The following MFSD1 variants were observed in gnomAD, a reference collection of about 807,000 sequenced individuals.
The protein encoded by MFSD1 is lysosomal dipeptide transporter MFSD1.
A neutral mutation model predicts 67.1 loss-of-function variants in MFSD1; 59 were observed. The observed-to-expected ratio is 0.88, with a 90% CI of 0.71 to 1.09. MFSD1 has a LOEUF of 1.09. Among genes scored for constraint, MFSD1 ranks in the 50% least tolerant of loss-of-function variants. MFSD1 has a pLI of 0.00. For synonymous variants in MFSD1, 213 were observed against 200.3 expected, an observed-to-expected ratio of 1.06 and a Z score of -0.54; for missense variants, 552 against 566.1, an observed-to-expected ratio of 0.97 and a Z score of 0.25.
chr3:158,823,659 G>C, intron 12 of MFSD1, 134 bp downstream of exon 12: 1 of 732,646 alleles, frequency 1.4e-6, no homozygotes, highest in East Asian at 2.6e-5. Flanking sequence ...AACTGGAAAA[G>C]TCAGTAAATC....
intron 5 of MFSD1, 138 bp from the exon 6 acceptor site, chr3:158,809,041 A>C: frequency 1.8e-6 from 1 of 562,168 alleles, no homozygotes; most frequent in East Asian, 2.9e-5. Context: ...TCACAAGCCC[A>C]CCTGGATTCA....
Position 158,827,282 on chromosome 3 carries a change from G to A in MFSD1, c.1339G>A (p.Gly447Arg). 1 of 1,548,196 alleles carries A rather than the reference G, an allele frequency of 6.5e-7. No homozygotes were observed. The highest frequency in any genetic ancestry group is 8.7e-7 in the Non-Finnish European group (1 of 1,147,290). ...LLYLVNRAQGGNLNYSARQRE... is the reference protein window; with the variant it reads ...LLYLVNRAQGRNLNYSARQRE... ...ATCTATGTTTATTTGTGTTTTAGGT[G>A]GGAACCTAAATTATTCTGCAAGACA... is the stretch of plus-strand genomic sequence containing the variant. Residue 447 changes from glycine to arginine, a missense_variant and splice_region_variant, in exon 15 of 16, where the codon GGG (glycine) becomes AGG (arginine). Coordinates refer to ENST00000415822, the MANE Select transcript of MFSD1 (RefSeq NM_022736.4).
At position 158,825,989 on chromosome 3, in the gene MFSD1, A is replaced by AG. The variant is rs756076989; in HGVS notation, c.1289-23dup. Reference sequence around the variant, plus strand: ...TCATTGAGAAGAAATACATATTTTAAGGGCCCTATGTTTTTTCACTCCTAG... The same window carrying AG: ...TCATTGAGAAGAAATACATATTTTAAGGGGCCCTATGTTTTTTCACTCCTAG... On this transcript the variant is annotated intron_variant, in intron 13 of 15. Coordinates refer to ENST00000415822, the MANE Select transcript of MFSD1 (RefSeq NM_022736.4). The AG allele has an allele frequency of 3.3e-5, 52 of 1,591,602 alleles. No homozygotes were observed. In the Admixed American group the frequency reaches 8.3e-4, roughly 26 times the overall value.
chr3:158,828,229 A>G (rs1458696174), intron 15 of MFSD1, among the ~76,000 whole-genome samples: 1 of 152,166 alleles, frequency 6.6e-6, no homozygotes, highest in East Asian at 1.9e-4. Context: ...CATAATAGTG[A>G]TTCTGTTTCC....
chr3:158,804,057 G>A (rs1729589044), intron 1 of MFSD1, among the ~76,000 whole-genome samples: 1 of 152,174 alleles, frequency 6.6e-6, no homozygotes, highest in African/African-American at 2.4e-5. Context: ...CATGATGAAA[G>A]TAAAATAGAA....
chr3:158,820,068 A>T (rs529939393), intron 8 of MFSD1, 147 bp from the exon 9 acceptor site: 2 of 567,406 alleles, frequency 3.5e-6, no homozygotes, highest in African/African-American at 3.7e-5. Context: ...CCCAGAAATG[A>T]TGTTTGTGTA....
intron 1 of MFSD1, among the ~76,000 whole-genome samples, chr3:158,803,709 C>G (rs939640286): frequency 3.9e-5 from 6 of 152,088 alleles, no homozygotes; most frequent in Non-Finnish European, 8.8e-5. Context: ...AAAATAAATC[C>G]GAGTGCATGG....
chr3:158,821,148 T>C (rs958284781), intron 9 of MFSD1, among the ~76,000 whole-genome samples: 1 of 152,184 alleles, frequency 6.6e-6, no homozygotes, highest in Admixed American at 6.5e-5. Flanking sequence ...TCTCTCTCCT[T>C]TTTCATTGGC....
rs1051714369 is a variant in MFSD1 at position 158,829,296 on chromosome 3, G to A, written c.*314G>A. On this transcript the variant is annotated 3_prime_UTR_variant, in exon 16 of 16. Transcript: ENST00000415822. Reference sequence around the variant, plus strand: ...TGGAAAACGTTGGAGCTTCTGTTGAGATAATCTTCATTAGGTATATATCTT... The same window carrying A: ...TGGAAAACGTTGGAGCTTCTGTTGAAATAATCTTCATTAGGTATATATCTT... 2 of 216,752 alleles carry A rather than the reference G, an allele frequency of 9.2e-6. No homozygotes were observed. The highest frequency in any genetic ancestry group is 1.8e-5 in the Non-Finnish European group (2 of 111,050). The allele number at this position is 216,752 out of a possible 1,614,324, so 13.4% of individuals were successfully genotyped here.
chr3:158,829,492 C>A lies in MFSD1; in HGVS notation c.*510C>A, dbSNP rs892573553. 1 of 152,304 alleles carries A rather than the reference C, an allele frequency of 6.6e-6. No homozygotes were observed. The highest frequency in any genetic ancestry group is 2.4e-5 in the African/African-American group (1 of 41,454). The allele number at this position is 152,304 out of a possible 1,614,324, so 9.4% of individuals were successfully genotyped here. On this transcript the variant is annotated 3_prime_UTR_variant, in exon 16 of 16. Transcript: ENST00000415822. Reference sequence around the variant, plus strand: ...TGTTTTTATGAAGTCTCTTTCTGATCACGAACAATAGCTTGCGCTCTACTC... The same window carrying A: ...TGTTTTTATGAAGTCTCTTTCTGATAACGAACAATAGCTTGCGCTCTACTC...
chr3:158,821,723 A>G (rs1730686272), intron 10 of MFSD1, 70 bp downstream of exon 10: 2 of 1,330,716 alleles, frequency 1.5e-6, no homozygotes, highest in South Asian at 1.3e-5. Flanking sequence ...AAATGTTAAA[A>G]GAAGCAAAAA....
chr3:158,820,028 T>C (rs940924531), intron 8 of MFSD1, among the ~76,000 whole-genome samples, 187 bp from the exon 9 acceptor site: 2 of 152,222 alleles, frequency 1.3e-5, no homozygotes, highest in Non-Finnish European at 2.9e-5. Flanking sequence ...AGTCTTAGGT[T>C]TTGCTTTTTC....
At chr3:158,814,290 G>A (rs1449910048) in intron 7 of MFSD1, among the ~76,000 whole-genome samples, 1 of 152,048 alleles carries the variant, frequency 6.6e-6, no homozygotes, top group Non-Finnish European at 1.5e-5. Flanking sequence ...TCTTAAAATG[G>A]ATAGCCTTAT....
At chr3:158,823,969 ACCAATCC>A (rs374070584) in intron 12 of MFSD1, among the ~76,000 whole-genome samples, 148 bp from the exon 13 acceptor site, 105 of 152,350 alleles carry the variant, frequency 6.9e-4, no homozygotes, top group African/African-American at 2.2e-3. Context: ...TGGGATAAAA[ACCAATCC>A]AAAATCTAAT....
In MFSD1 at chr3:158,802,262, G is replaced by C; in HGVS notation, c.110G>C (p.Ser37Thr). ...PGALPALCDPSRLAHRLLVLL... is the reference protein window; with the variant it reads ...PGALPALCDPTRLAHRLLVLL... ...GCCCTGCCGGCCCTCTGCGACCCCA[G>C]TCGCCTGGCGCACCGGCTTTTGGTG... The change falls in exon 1 of 16, where the codon AGT becomes ACT. Residue 37 changes from serine to threonine, a missense_variant. By Grantham distance (58) the Ser-to-Thr change is moderately conservative. Transcript: ENST00000415822. 1 of 1,611,498 alleles carries C rather than the reference G, an allele frequency of 6.2e-7. No individual in the cohort carries two copies. Among genetic ancestry groups the C allele is most frequent in the Non-Finnish European group, 8.5e-7 (1 of 1,178,672 alleles).
intron 15 of MFSD1, among the ~76,000 whole-genome samples, chr3:158,828,318 G>T (rs1358875075): frequency 6.6e-6 from 1 of 152,120 alleles, no homozygotes; most frequent in East Asian, 1.9e-4. Flanking sequence ...CCATGTGATT[G>T]TAATTGTTGT....
At position 158,809,273 on chromosome 3, in the gene MFSD1, A is replaced by G. The variant is rs551238431; in HGVS notation, c.535A>G (p.Ser179Gly). ...ELNLVFGLQL[S>G]MARIGSTVNM... ...AAACCTGGTGTTTGGACTTCAACTT[A>G]GCATGGCTAGAATTGTAAGTATAAT... The change falls in exon 6 of 16, where the codon AGC (serine) becomes GGC (glycine). Residue 179 changes from serine (S) to glycine (G), a missense_variant. Coordinates refer to ENST00000415822, the MANE Select transcript of MFSD1 (RefSeq NM_022736.4). The G allele has an allele frequency of 1.1e-5, 17 of 1,605,416 alleles. No individual in the cohort carries two copies. In the South Asian group the frequency reaches 1.8e-4, roughly 17 times the overall value.
At chr3:158,825,759 G>A (rs899591034) in intron 13 of MFSD1, among the ~76,000 whole-genome samples, 1 of 152,180 alleles carries the variant, frequency 6.6e-6, no homozygotes, top group Non-Finnish European at 1.5e-5. Context: ...TGGCTGGGTC[G>A]GCTCCCTTTT....
intron 11 of MFSD1, 99 bp downstream of exon 11, chr3:158,822,239 C>A: frequency 9.0e-7 from 1 of 1,113,034 alleles, no homozygotes; most frequent in Non-Finnish European, 1.3e-6. Context: ...ATGACAAGGC[C>A]TATGATAGTG....
Sources: allele counts gnomAD v4.1 joint callset (sites outside exome capture counted in the v4.1 genomes callset), GRCh38; gene constraint gnomAD v4.1.1; transcripts MANE v1.5; gene names NCBI Gene and HGNC (gene_info 2026-07-23, HGNC 2026-07-21).